THBS4: variants seen among roughly 807,000 people sequenced by gnomAD.
The protein encoded by THBS4 is thrombospondin-4.
In THBS4, 90 loss-of-function variants were observed where a neutral mutation model predicts 115.7. The observed-to-expected ratio is 0.78, with a 90% CI of 0.66 to 0.93. THBS4 has a LOEUF of 0.93. THBS4 is among the 40% of genes least tolerant of loss of function. The pLI, the probability that THBS4 is intolerant of heterozygous loss-of-function variation, is 0.00. For missense variants in THBS4, 1,087 were observed against 1,232.7 expected (o/e 0.88, Z 1.77); for synonymous variants, 460 against 479.3 (o/e 0.96, Z 0.53).
chr5:80,083,017 G>GGGGGTCA, intron 21 of THBS4, 63 bp from the exon 22 acceptor site: 1 of 1,478,006 alleles, frequency 6.8e-7, no homozygotes, highest in African/African-American at 1.4e-5. Flanking sequence ...AGCCGCGGGC[G>GGGGGTCA]GGGGTCCGGG....
intron 3 of THBS4, among the ~76,000 whole-genome samples, chr5:80,056,838 T>A (rs1393602481): frequency 6.6e-6 from 1 of 152,234 alleles, no homozygotes; most frequent in Admixed American, 6.5e-5. Context: ...CATTTGTTAA[T>A]TCATTATATT....
At chr5:80,051,840 A>T (rs1833268536) in intron 2 of THBS4, among the ~76,000 whole-genome samples, 2 of 152,240 alleles carry the variant, frequency 1.3e-5, no homozygotes, top group African/African-American at 4.8e-5. Context: ...TATGAAAATA[A>T]ACCATGGCCC....
intron 2 of THBS4, among the ~76,000 whole-genome samples, chr5:80,021,671 G>A (rs1249186504): frequency 6.6e-6 from 1 of 151,978 alleles, no homozygotes; most frequent in African/African-American, 2.4e-5. Context: ...TGTATTTTTT[G>A]TAGACACGGG....
intron 20 of THBS4, among the ~76,000 whole-genome samples, chr5:80,081,044 A>C (rs951036783): frequency 1.3e-5 from 2 of 152,076 alleles, no homozygotes; most frequent in African/African-American, 4.8e-5. Flanking sequence ...GGGAGTTAGG[A>C]GGCTTAGGGC....
At chr5:80,082,295 G>A in intron 20 of THBS4, 111 bp from the exon 21 acceptor site, 6 of 1,441,394 alleles carry the variant, frequency 4.2e-6, no homozygotes, top group Non-Finnish European at 5.7e-6. Flanking sequence ...GCCTAAAACA[G>A]AGCAAAGAAA....
intron 2 of THBS4, among the ~76,000 whole-genome samples, chr5:80,001,061 T>G (rs981513477): frequency 6.6e-6 from 1 of 152,206 alleles, no homozygotes; most frequent in Admixed American, 6.5e-5. Context: ...ACCAGTTGAC[T>G]CTCAATAAGA....
intron 2 of THBS4, among the ~76,000 whole-genome samples, chr5:80,045,643 G>A (rs957977892): frequency 2.7e-5 from 4 of 150,658 alleles, no homozygotes; most frequent in African/African-American, 9.8e-5. Context: ...TGATTCTCCT[G>A]CCTCAGCCTC....
chr5:80,038,898 C>A (rs1319250211), intron 1 of THBS4, among the ~76,000 whole-genome samples: 1 of 152,152 alleles, frequency 6.6e-6, no homozygotes, highest in African/African-American at 2.4e-5. Context: ...TTTCCCTGAA[C>A]CCTCACAAAC....
intron 1 of THBS4, among the ~76,000 whole-genome samples, chr5:79,992,711 T>C (rs1831709313): frequency 6.6e-6 from 1 of 152,122 alleles, no homozygotes. Flanking sequence ...GAGTTTACAG[T>C]GCACAAAGGA....
At chr5:80,060,070 G>A (rs115410072) in intron 7 of THBS4, among the ~76,000 whole-genome samples, 165 bp downstream of exon 7, 7 of 152,324 alleles carry the variant, frequency 4.6e-5, no homozygotes, top group African/African-American at 1.7e-4. Context: ...GGCGGAAGGA[G>A]ACATGACCCA....
intron 9 of THBS4, 48 bp from the exon 10 acceptor site, chr5:80,067,925 C>A: frequency 1.2e-6 from 2 of 1,602,020 alleles, no homozygotes; most frequent in Middle Eastern, 3.6e-4. Context: ...TCAAACTGTA[C>A]CTTTGCCCAC....
chr5:80,064,229 C>T (rs1463767941), intron 8 of THBS4, among the ~76,000 whole-genome samples: 1 of 152,160 alleles, frequency 6.6e-6, no homozygotes, highest in African/African-American at 2.4e-5. Flanking sequence ...TTATGAGTTC[C>T]AAATCTGTTA....
At chr5:80,002,252 A>G (rs1359955518) in intron 2 of THBS4, among the ~76,000 whole-genome samples, 1 of 152,088 alleles carries the variant, frequency 6.6e-6, no homozygotes, top group East Asian at 1.9e-4. Flanking sequence ...CTGCCTGACA[A>G]AGATGTGAAT....
chr5:80,021,742 C>T (rs115893832), intron 2 of THBS4, among the ~76,000 whole-genome samples: 167 of 152,246 alleles, frequency 1.1e-3, no homozygotes, highest in African/African-American at 3.9e-3. Context: ...GTCTTGAACG[C>T]CTGGCCTCAA....
At chr5:80,026,324 A>C (rs1421426138) in intron 2 of THBS4, among the ~76,000 whole-genome samples, 1 of 152,240 alleles carries the variant, frequency 6.6e-6, no homozygotes, top group East Asian at 1.9e-4. Flanking sequence ...CGACTCCTAG[A>C]TCTGAGTAGT....
intron 9 of THBS4, among the ~76,000 whole-genome samples, chr5:80,066,070 G>C (rs971355200): frequency 6.8e-6 from 1 of 147,570 alleles, no homozygotes; most frequent in African/African-American, 2.5e-5. Flanking sequence ...ACTCCAGCCT[G>C]GGCGACAGAG....
At chr5:80,070,117 A>G (rs1833979107) in intron 10 of THBS4, among the ~76,000 whole-genome samples, 189 bp from the exon 11 acceptor site, 1 of 99,388 alleles carries the variant, frequency 1.0e-5, no homozygotes, top group African/African-American at 4.5e-5. Flanking sequence ...GTCTCCCTTT[A>G]TATCTTTGAA....
intron 20 of THBS4, chr5:80,080,331 T>C: frequency 2.3e-6 from 1 of 442,036 alleles, no homozygotes; most frequent in South Asian, 3.1e-5. Context: ...GACCCAGCGT[T>C]GTGGGGTTGG....
chr5:80,009,656 C>CAAAA (rs55638827), intron 2 of THBS4, among the ~76,000 whole-genome samples: 2 of 148,554 alleles, frequency 1.3e-5, no homozygotes, highest in Non-Finnish European at 1.5e-5. Context: ...AAGAAAAACT[C>CAAAA]AAAAAAAAAA....
Sources: gnomAD v4.1 joint callset for allele counts (sites outside exome capture counted in the v4.1 genomes callset) on GRCh38, gnomAD v4.1.1 for gene constraint, MANE v1.5 for transcripts, NCBI Gene and HGNC (gene_info 2026-07-23, HGNC 2026-07-21) for gene names.